The following APPBP2 variants were observed in gnomAD, a reference collection of about 807,000 sequenced individuals.
APPBP2 encodes amyloid protein-binding protein 2.
APPBP2 carries 15 observed loss-of-function variants against 76.0 expected under a neutral mutation model. The observed-to-expected ratio is 0.20, with a 90% confidence interval of 0.13 to 0.30. APPBP2 has a LOEUF of 0.30. APPBP2 is among the 10% of genes least tolerant of loss of function. APPBP2 has a pLI of 1.00. For synonymous variants in APPBP2, 222 were observed against 242.2 expected, an observed-to-expected ratio of 0.92 and a Z score of 0.77; for missense variants, 401 against 687.2, an observed-to-expected ratio of 0.58 and a Z score of 4.66.
rs1469586315 is a variant in APPBP2 at position 60,447,509 on chromosome 17, A to G, written c.*72T>C. On this transcript the variant is annotated 3_prime_UTR_variant, in exon 13 of 13. Coordinates refer to ENST00000083182, the MANE Select transcript of APPBP2 (RefSeq NM_006380.5). Reference sequence around the variant, plus strand: ...ATGCAAATTCCAGCCCCCCAAAACAACATGGTTTTGATTTCACAGTATGAA... The same window carrying G: ...ATGCAAATTCCAGCCCCCCAAAACAGCATGGTTTTGATTTCACAGTATGAA... The G allele has an allele frequency of 9.9e-6, 15 of 1,517,882 alleles. No homozygotes were observed. Among genetic ancestry groups the G allele is most frequent in the Non-Finnish European group, 1.3e-5 (15 of 1,132,802 alleles). The allele number at this position is 1,517,882 out of a possible 1,614,324, so 94.0% of individuals were successfully genotyped here.
Position 60,443,636 on chromosome 17 carries a change from C to T in APPBP2, c.*3945G>A, listed in dbSNP as rs894341929. 2.0e-5 allele frequency: 3 copies of T among 152,534 alleles called. No homozygotes were observed. The highest frequency in any genetic ancestry group is 4.4e-5 in the Non-Finnish European group (3 of 68,022). The allele number at this position is 152,534 out of a possible 1,614,324, so 9.4% of individuals were successfully genotyped here. On this transcript the variant is annotated 3_prime_UTR_variant, in exon 13 of 13. Transcript: ENST00000083182. ...GAATATACAGAAATGAGTAATGTTA[C>T]ACAAACGGTACCTGCAATGGTTATT...
chr17:60,465,051 AAAGAC>A (rs2090500948), intron 5 of APPBP2: 1 of 152,192 alleles, frequency 6.6e-6, no homozygotes, highest in Non-Finnish European at 1.5e-5. Flanking sequence ...ACAAACAAAC[AAAGAC>A]AAGTGTGGCC....
chr17:60,493,368 A>C (rs979929020), intron 3 of APPBP2, among the ~76,000 whole-genome samples: 2 of 152,248 alleles, frequency 1.3e-5, no homozygotes, highest in African/African-American at 4.8e-5. Context: ...TTTAATAAGA[A>C]ATTGCCTGAA....
chr17:60,489,908 G>A (rs1229641328), intron 3 of APPBP2, among the ~76,000 whole-genome samples: 7 of 152,096 alleles, frequency 4.6e-5, no homozygotes, highest in African/African-American at 1.2e-4. Flanking sequence ...GGTGGCACAC[G>A]CCTGTAATCT....
intron 1 of APPBP2, among the ~76,000 whole-genome samples, chr17:60,515,632 C>A (rs1355230649): frequency 6.6e-6 from 1 of 152,206 alleles, no homozygotes; most frequent in Non-Finnish European, 1.5e-5. Context: ...TAAATTTTGC[C>A]TGTTTTGAAC....
intron 3 of APPBP2, 136 bp from the exon 4 acceptor site, chr17:60,479,407 G>T: frequency 2.3e-6 from 2 of 878,472 alleles, no homozygotes; most frequent in Non-Finnish European, 3.3e-6. Context: ...ATACAACACA[G>T]GTATGAACTG....
At position 60,495,435 on chromosome 17, in the gene APPBP2, ATTTATTATTTAT is replaced by A. The variant is rs755230276; in HGVS notation, c.228-830_228-819del. Among the ~76,000 whole-genome samples the A allele has an allele frequency of 2.3e-3, 266 of 114,310 alleles. 2 individuals are homozygous for A. The highest frequency in any genetic ancestry group is 4.5e-3 in the Admixed American group (52 of 11,458). 75.0% of individuals were successfully genotyped at this position (114,310 alleles called of 152,430 possible). A position where few individuals can be genotyped will look rare whatever the true frequency, so the allele number is the denominator to read the frequency against. Reference sequence around the variant, plus strand: ...TAGAATTTTTAAAAATATTTTATTTATTTATTATTTATTTATTTATTTATTTATTTATTTATT... The same window carrying A: ...TAGAATTTTTAAAAATATTTTATTTATTATTTATTTATTTATTTATTTATT... On this transcript the variant is annotated intron_variant, in intron 2 of 12. Transcript: ENST00000083182.
chr17:60,488,805 A>G (rs971307568), intron 3 of APPBP2, among the ~76,000 whole-genome samples: 3 of 152,142 alleles, frequency 2.0e-5, no homozygotes, highest in Non-Finnish European at 4.4e-5. Context: ...TCACACACAC[A>G]TTTTTACATG....
intron 3 of APPBP2, among the ~76,000 whole-genome samples, chr17:60,487,304 A>G (rs1306592521): frequency 6.6e-6 from 1 of 151,968 alleles, no homozygotes; most frequent in African/African-American, 2.4e-5. Flanking sequence ...GCTTGGTTCC[A>G]TTCTCCCCGT....
At chr17:60,473,879 C>T (rs768910692) in intron 4 of APPBP2, among the ~76,000 whole-genome samples, 17 of 152,136 alleles carry the variant, frequency 1.1e-4, no homozygotes, top group Non-Finnish European at 1.6e-4. Flanking sequence ...TTTGGAATGA[C>T]AGCTTTTTAG....
intron 3 of APPBP2, among the ~76,000 whole-genome samples, chr17:60,482,080 C>T (rs1041875788): frequency 2.0e-5 from 3 of 152,124 alleles, no homozygotes; most frequent in African/African-American, 7.2e-5. Flanking sequence ...CGGGTTTCTC[C>T]ATGTTGGTCA....
At chr17:60,510,766 A>C (rs1408020756) in intron 1 of APPBP2, among the ~76,000 whole-genome samples, 1 of 152,196 alleles carries the variant, frequency 6.6e-6, no homozygotes, top group Non-Finnish European at 1.5e-5. Flanking sequence ...TTATATTAGA[A>C]TATTGATATT....
intron 3 of APPBP2, among the ~76,000 whole-genome samples, chr17:60,491,509 A>C (rs2090728974): frequency 6.6e-6 from 1 of 151,950 alleles, no homozygotes; most frequent in East Asian, 1.9e-4. Flanking sequence ...CAGTGAGGCG[A>C]TTTCAACTCA....
chr17:60,503,157 C>T (rs750655491), intron 1 of APPBP2, among the ~76,000 whole-genome samples: 1 of 144,558 alleles, frequency 6.9e-6, no homozygotes, highest in Non-Finnish European at 1.5e-5. Context: ...GGACTACCGG[C>T]GCGGGATACC....
intron 2 of APPBP2, chr17:60,496,489 G>A (rs1377785546): frequency 6.6e-6 from 1 of 152,144 alleles, no homozygotes; most frequent in African/African-American, 2.4e-5. Flanking sequence ...CAACAGCCAC[G>A]TTTAAAACTA....
chr17:60,488,747 T>C (rs1340550682), intron 3 of APPBP2, among the ~76,000 whole-genome samples: 5 of 152,306 alleles, frequency 3.3e-5, no homozygotes, highest in African/African-American at 1.2e-4. Flanking sequence ...ATAGAGGACC[T>C]CAATGAACAC....
intron 2 of APPBP2, among the ~76,000 whole-genome samples, chr17:60,497,642 C>T (rs1296270423): frequency 6.6e-6 from 1 of 151,820 alleles, no homozygotes; most frequent in Non-Finnish European, 1.5e-5. Context: ...GTACTATGTA[C>T]CCCCAAAAAC....
intron 4 of APPBP2, among the ~76,000 whole-genome samples, chr17:60,473,190 G>A (rs1457371560): frequency 1.3e-5 from 2 of 152,116 alleles, no homozygotes; most frequent in Non-Finnish European, 1.5e-5. Flanking sequence ...GCTTGGTCAA[G>A]TTTCAAATCA....
chr17:60,469,860 T>C (rs1028416729), intron 4 of APPBP2, among the ~76,000 whole-genome samples: 3 of 152,240 alleles, frequency 2.0e-5, no homozygotes, highest in Admixed American at 1.3e-4. Flanking sequence ...TATCTCTCGA[T>C]TCCTTGCTTT....
Sources: allele counts gnomAD v4.1 joint callset (sites outside exome capture counted in the v4.1 genomes callset), GRCh38; gene constraint gnomAD v4.1.1; transcripts MANE v1.5; gene names NCBI Gene and HGNC (gene_info 2026-07-23, HGNC 2026-07-21).